The following SPOCK1 variants were observed in gnomAD, a reference collection of about 807,000 sequenced individuals.
The protein encoded by SPOCK1 is SPARC (osteonectin), cwcv and kazal like domains proteoglycan 1, also known as testican-1.
SPOCK1 carries 23 observed loss-of-function variants against 55.3 expected under a neutral mutation model. The observed-to-expected ratio is 0.42, with a 90% confidence interval of 0.30 to 0.59. The LOEUF is 0.59. Ranked by LOEUF, SPOCK1 falls within the 20% of genes least tolerant of loss-of-function variation. SPOCK1 has a pLI of 0.22. For missense variants in SPOCK1, 499 were observed against 552.5 expected, an observed-to-expected ratio of 0.90 and a Z score of 0.97; for synonymous variants, 226 against 221.0, an observed-to-expected ratio of 1.02 and a Z score of -0.20.
chr5:136,984,510 A>G (rs1307583785), intron 9 of SPOCK1, among the ~76,000 whole-genome samples: 1 of 152,146 alleles, frequency 6.6e-6, no homozygotes, highest in African/African-American at 2.4e-5. Context: ...AAATGCCAGG[A>G]CTTCCTCCAC....
chr5:137,008,784 T>C (rs1751298748), intron 6 of SPOCK1, among the ~76,000 whole-genome samples: 1 of 152,058 alleles, frequency 6.6e-6, no homozygotes, highest in African/African-American at 2.4e-5. Flanking sequence ...TAATATAATA[T>C]TGAACATATT....
chr5:137,267,591 G>T (rs1230866828), intron 2 of SPOCK1, among the ~76,000 whole-genome samples: 1 of 152,154 alleles, frequency 6.6e-6, no homozygotes, highest in African/African-American at 2.4e-5. Context: ...TTTGTTCTGG[G>T]TATGGAAAGA....
chr5:137,462,049 G>A (rs1753499575), intron 2 of SPOCK1, among the ~76,000 whole-genome samples: 1 of 152,132 alleles, frequency 6.6e-6, no homozygotes, highest in African/African-American at 2.4e-5. Flanking sequence ...TATGCTGAAG[G>A]GGTTAACGCC....
chr5:137,274,111 C>A (rs1214793414), intron 2 of SPOCK1, among the ~76,000 whole-genome samples: 3 of 152,138 alleles, frequency 2.0e-5, no homozygotes, highest in Non-Finnish European at 4.4e-5. Flanking sequence ...CAAAATATGC[C>A]CTGTGTTTGG....
At chr5:137,481,720 C>G (rs974586626) in intron 2 of SPOCK1, among the ~76,000 whole-genome samples, 6 of 152,160 alleles carry the variant, frequency 3.9e-5, no homozygotes, top group Non-Finnish European at 7.3e-5. Flanking sequence ...GGAGTAGCAA[C>G]GTCAGCTGCA....
chr5:137,390,839 G>A (rs111890510), intron 2 of SPOCK1, among the ~76,000 whole-genome samples: 37 of 148,938 alleles, frequency 2.5e-4, no homozygotes, highest in Admixed American at 2.4e-3. Flanking sequence ...AGTAGCTGGT[G>A]GGGGGGTGTG....
At chr5:137,106,121 C>T (rs1467922760) in intron 5 of SPOCK1, among the ~76,000 whole-genome samples, 6 of 150,340 alleles carry the variant, frequency 4.0e-5, no homozygotes, top group Non-Finnish European at 7.4e-5. Flanking sequence ...GACACCCCCA[C>T]CCCCCACCAC....
intron 2 of SPOCK1, among the ~76,000 whole-genome samples, chr5:137,408,103 C>T (rs1229718): frequency 0.28 from 42,136 of 152,116 alleles, 6,888 homozygotes; most frequent in Middle Eastern, 0.43. Context: ...CTTCACAACA[C>T]TTATCATTAA....
chr5:137,083,875 C>T (rs928543097), intron 5 of SPOCK1, among the ~76,000 whole-genome samples: 2 of 152,004 alleles, frequency 1.3e-5, no homozygotes, highest in East Asian at 1.9e-4. Context: ...TAAGAATCCT[C>T]CTGGGCTCTG....
chr5:137,410,597 C>T (rs1752189479), intron 2 of SPOCK1, among the ~76,000 whole-genome samples: 1 of 152,248 alleles, frequency 6.6e-6, no homozygotes, highest in Admixed American at 6.5e-5. Flanking sequence ...GATATCCCTG[C>T]ATTTTAATAA....
intron 3 of SPOCK1, among the ~76,000 whole-genome samples, chr5:137,179,008 T>C (rs1176293049): frequency 6.6e-6 from 1 of 152,216 alleles, no homozygotes; most frequent in Admixed American, 6.5e-5. Flanking sequence ...GAATGGTGAC[T>C]TCCTCCGTTT....
chr5:137,364,529 G>A (rs1350466758), intron 2 of SPOCK1, among the ~76,000 whole-genome samples: 1 of 152,174 alleles, frequency 6.6e-6, no homozygotes, highest in African/African-American at 2.4e-5. Flanking sequence ...CACAGCCCTG[G>A]TGATACCTGA....
chr5:137,374,026 G>A lies in SPOCK1; in HGVS notation c.187-106971C>T, dbSNP rs1751260146. On this transcript the variant is annotated intron_variant, in intron 2 of 10. Coordinates refer to ENST00000394945, the MANE Select transcript of SPOCK1 (RefSeq NM_004598.4). ...AGTTAAAATGGGGAGATGCCCAGTG[G>A]GCAGATCAACACATGTAACTGTACC... Among the ~76,000 whole-genome samples the A allele has an allele frequency of 1.3e-5, 2 of 152,160 alleles. 1 individual carries two copies. Among genetic ancestry groups the A allele is most frequent in the Non-Finnish European group, 2.9e-5 (2 of 68,030 alleles).
At chr5:137,253,568 C>G (rs986307512) in intron 3 of SPOCK1, among the ~76,000 whole-genome samples, 2 of 152,216 alleles carry the variant, frequency 1.3e-5, no homozygotes, top group African/African-American at 2.4e-5. Context: ...TCAATAGTAT[C>G]TCTGTCCTCA....
At chr5:137,428,749 T>C (rs552338752) in intron 2 of SPOCK1, among the ~76,000 whole-genome samples, 1 of 152,294 alleles carries the variant, frequency 6.6e-6, no homozygotes, top group South Asian at 2.1e-4. Flanking sequence ...CAACCAGAAT[T>C]ATGGGAGTTG....
intron 2 of SPOCK1, among the ~76,000 whole-genome samples, chr5:137,431,730 T>C (rs1373659767): frequency 6.6e-6 from 1 of 152,232 alleles, no homozygotes; most frequent in African/African-American, 2.4e-5. Flanking sequence ...GTGTTTTGTC[T>C]CTTTGCATGT....
intron 2 of SPOCK1, among the ~76,000 whole-genome samples, chr5:137,283,041 G>A (rs1161043277): frequency 6.6e-6 from 1 of 152,212 alleles, no homozygotes; most frequent in South Asian, 2.1e-4. Flanking sequence ...ATCTACAGGG[G>A]CACAGGCTGG....
intron 5 of SPOCK1, among the ~76,000 whole-genome samples, chr5:137,075,700 G>A (rs1438681998): frequency 6.6e-6 from 1 of 152,198 alleles, no homozygotes; most frequent in Admixed American, 6.5e-5. Flanking sequence ...CCAGTGGAGA[G>A]TCTTGCTGTC....
At chr5:137,497,716 G>C (rs1274968604) in intron 2 of SPOCK1, among the ~76,000 whole-genome samples, 1 of 152,166 alleles carries the variant, frequency 6.6e-6, no homozygotes, top group Non-Finnish European at 1.5e-5. Context: ...GCAATGCTCT[G>C]CCACCCAGGG....
Sources: gnomAD v4.1 joint callset for allele counts (sites outside exome capture counted in the v4.1 genomes callset) on GRCh38, gnomAD v4.1.1 for gene constraint, MANE v1.5 for transcripts, NCBI Gene and HGNC (gene_info 2026-07-23, HGNC 2026-07-21) for gene names.